Variants in SMG6 observed in about 807,000 individuals in gnomAD.
The protein encoded by SMG6 is SMG6 nonsense mediated mRNA decay factor.
A neutral mutation model predicts 142.2 loss-of-function variants in SMG6; 66 were observed. The observed-to-expected ratio is 0.46, with a 90% CI of 0.38 to 0.57. The LOEUF is 0.57. Ranked by LOEUF, SMG6 falls within the 20% of genes least tolerant of loss-of-function variation. The pLI is 0.00. For missense variants in SMG6, 1,793 were observed against 1,832.0 expected (o/e 0.98, Z 0.39); for synonymous variants, 779 against 702.4 (o/e 1.11, Z -1.72).
chr17:2,144,048 G>A (rs1455308264), intron 13 of SMG6, among the ~76,000 whole-genome samples: 2 of 111,960 alleles, frequency 1.8e-5, no homozygotes, highest in East Asian at 2.9e-4. Context: ...CACCACGGCC[G>A]CTTTTTTTTT....
At chr17:2,080,882 G>A (rs940003650) in intron 15 of SMG6, among the ~76,000 whole-genome samples, 48 of 152,120 alleles carry the variant, frequency 3.2e-4, no homozygotes, top group African/African-American at 1.1e-3. Flanking sequence ...TGATCCGCCC[G>A]CCTCAGCCTC....
At chr17:2,173,937 TTTC>T (rs1478221073) in intron 12 of SMG6, among the ~76,000 whole-genome samples, 2 of 150,974 alleles carry the variant, frequency 1.3e-5, no homozygotes, top group Non-Finnish European at 2.9e-5. Context: ...CAGACTTGGC[TTTC>T]TTCTCCAGGA....
intron 11 of SMG6, among the ~76,000 whole-genome samples, chr17:2,187,469 T>C (rs1444140545): frequency 4.6e-5 from 7 of 152,182 alleles, no homozygotes; most frequent in Non-Finnish European, 1.0e-4. Context: ...CCGATTTTGA[T>C]AACCGTTGTT....
intron 10 of SMG6, among the ~76,000 whole-genome samples, chr17:2,212,445 A>C (rs1457218634): frequency 6.6e-6 from 1 of 152,134 alleles, no homozygotes; most frequent in Non-Finnish European, 1.5e-5. Context: ...AGATCAATCG[A>C]TCAGGACTGC....
chr17:2,087,600 GC>G, intron 13 of SMG6: 1 of 1,000,910 alleles, frequency 1.0e-6, no homozygotes, highest in African/African-American at 1.7e-5. Context: ...AGCTTGGGGT[GC>G]CTGGTCCTGG....
At chr17:2,198,101 T>C (rs1369247229) in intron 10 of SMG6, among the ~76,000 whole-genome samples, 1 of 152,182 alleles carries the variant, frequency 6.6e-6, no homozygotes, top group Non-Finnish European at 1.5e-5. Flanking sequence ...CACAGGTGAA[T>C]GGTTAAACAA....
chr17:2,302,234 C>T (rs2075295800), intron 1 of SMG6, among the ~76,000 whole-genome samples: 2 of 151,404 alleles, frequency 1.3e-5, no homozygotes, highest in South Asian at 4.2e-4. Flanking sequence ...GCCTGGAAGA[C>T]AGAGTGAGAC....
At chr17:2,248,278 C>T (rs2073966870) in intron 8 of SMG6, among the ~76,000 whole-genome samples, 1 of 152,100 alleles carries the variant, frequency 6.6e-6, no homozygotes, top group African/African-American at 2.4e-5. Context: ...TATCCTACAC[C>T]TATCTCGGGG....
chr17:2,182,038 G>A (rs1473497711), intron 12 of SMG6, among the ~76,000 whole-genome samples: 4 of 152,182 alleles, frequency 2.6e-5, no homozygotes, highest in Non-Finnish European at 1.5e-5. Context: ...GAGGTGAGGT[G>A]ACCCGGGGAA....
At chr17:2,100,759 C>T (rs1344880634) in intron 13 of SMG6, among the ~76,000 whole-genome samples, 1 of 152,062 alleles carries the variant, frequency 6.6e-6, no homozygotes, top group East Asian at 1.9e-4. Context: ...ATTGAACAGG[C>T]TGGTCTTGAA....
intron 13 of SMG6, among the ~76,000 whole-genome samples, chr17:2,086,195 C>T (rs999794206): frequency 1.3e-5 from 2 of 152,108 alleles, no homozygotes; most frequent in African/African-American, 4.8e-5. Flanking sequence ...GAGTAAGGTC[C>T]TGATACAAAA....
chr17:2,292,579 G>A lies in SMG6; in HGVS notation c.2310C>T (p.Asn770=), dbSNP rs752246210. 5 of 1,614,192 alleles carry A rather than the reference G, an allele frequency of 3.1e-6. No homozygotes were observed. Among genetic ancestry groups the A allele is most frequent in the Non-Finnish European group, 4.2e-6 (5 of 1,180,038 alleles). ...TATACACTGCCAGCAAAGCCAACTG[G>A]TTATAGGGGCGCCCATTCTTGGGAG... ...HIAPKNGRPY[N]QLALLAVYTR... is the part of the protein sequence containing the mutation. The change falls in exon 6 of 19, where the codon AAC becomes AAT. Residue 770 remains asparagine (N), a synonymous_variant. Transcript: ENST00000263073.
At position 2,079,754 on chromosome 17, in the gene SMG6, A is replaced by T. The variant is rs79329714; in HGVS notation, c.3681+2056T>A. On this transcript the variant is annotated intron_variant, in intron 15 of 18. Transcript: ENST00000263073. ...GTAGAGGTATTACACACTGATTCCA[A>T]TGGTAGCAGGGACGTGAATCTGTCT... 1.8e-3 allele frequency among the ~76,000 whole-genome samples: 275 copies of T among 152,282 alleles called. 1 individual carries two copies. The highest frequency in any genetic ancestry group is 6.4e-3 in the African/African-American group (265 of 41,546).
At chr17:2,170,234 G>C (rs897273063) in intron 13 of SMG6, among the ~76,000 whole-genome samples, 2 of 152,134 alleles carry the variant, frequency 1.3e-5, no homozygotes, top group African/African-American at 2.4e-5. Context: ...GTAGCCTGTG[G>C]ATCACTACAT....
chr17:2,080,819 TAG>T, intron 15 of SMG6, among the ~76,000 whole-genome samples: 1 of 152,206 alleles, frequency 6.6e-6, no homozygotes, highest in East Asian at 1.9e-4. Flanking sequence ...GTATTTTTAG[TAG>T]AGACAGGGTT....
At chr17:2,067,368 G>A (rs1228780762) in intron 16 of SMG6, among the ~76,000 whole-genome samples, 1 of 152,168 alleles carries the variant, frequency 6.6e-6, no homozygotes, top group African/African-American at 2.4e-5. Flanking sequence ...CGGCGTCTGA[G>A]GCACCTTACG....
intron 12 of SMG6, among the ~76,000 whole-genome samples, chr17:2,181,117 G>C (rs894018331): frequency 6.6e-6 from 1 of 152,190 alleles, no homozygotes; most frequent in Admixed American, 6.5e-5. Context: ...CAATCTGTAA[G>C]GTCAGTGGGC....
intron 13 of SMG6, among the ~76,000 whole-genome samples, chr17:2,097,595 G>C (rs1268376260): frequency 6.6e-6 from 1 of 152,102 alleles, no homozygotes; most frequent in African/African-American, 2.4e-5. Context: ...TTTAAACCCA[G>C]ATCTGCCTCC....
intron 13 of SMG6, among the ~76,000 whole-genome samples, chr17:2,159,142 C>T (rs1369968939): frequency 4.6e-5 from 7 of 152,050 alleles, no homozygotes; most frequent in Non-Finnish European, 1.0e-4. Context: ...AAACTATGGC[C>T]AGGCACAGTG....
Sources: gnomAD v4.1 joint callset for allele counts (sites outside exome capture counted in the v4.1 genomes callset) on GRCh38, gnomAD v4.1.1 for gene constraint, MANE v1.5 for transcripts, NCBI Gene and HGNC (gene_info 2026-07-23, HGNC 2026-07-21) for gene names.